The following RIMS2 variants were observed in gnomAD, a reference collection of about 807,000 sequenced individuals.
RIMS2 encodes the protein regulating synaptic membrane exocytosis protein 2.
A neutral mutation model predicts 174.4 loss-of-function variants in RIMS2; 59 were observed. The ratio of observed to expected loss-of-function variants is 0.34; its 90% CI spans 0.27 to 0.42. The LOEUF (loss-of-function observed/expected upper bound fraction) is 0.42, where lower values mean the gene tolerates loss of function less well. RIMS2 is among the 10% of genes least tolerant of loss of function. The pLI, the probability that RIMS2 is intolerant of heterozygous loss-of-function variation, is 1.00. For missense variants in RIMS2, 1,620 were observed against 1,666.3 expected (o/e 0.97, Z 0.48); for synonymous variants, 606 against 572.5 (o/e 1.06, Z -0.84).
At chr8:103,673,106 G>A (rs2096765320) in intron 1 of RIMS2, among the ~76,000 whole-genome samples, 1 of 152,200 alleles carries the variant, frequency 6.6e-6, no homozygotes, top group Admixed American at 6.5e-5. Flanking sequence ...TGTCCTGCGT[G>A]CAGGACACAC....
intron 19 of RIMS2, among the ~76,000 whole-genome samples, chr8:104,058,439 G>T (rs1167567773): frequency 1.3e-5 from 2 of 150,850 alleles, no homozygotes; most frequent in Non-Finnish European, 2.9e-5. Context: ...TTGTAAATTT[G>T]TTTGAGTTCA....
intron 19 of RIMS2, among the ~76,000 whole-genome samples, chr8:104,047,606 T>C (rs2096716394): frequency 6.6e-6 from 1 of 152,098 alleles, no homozygotes; most frequent in Non-Finnish European, 1.5e-5. Flanking sequence ...CTGTGTCCAG[T>C]ACAGAGCAAG....
At chr8:103,682,940 A>C (rs1396907823) in intron 1 of RIMS2, among the ~76,000 whole-genome samples, 1 of 152,172 alleles carries the variant, frequency 6.6e-6, no homozygotes, top group East Asian at 1.9e-4. Flanking sequence ...TTAAATATCT[A>C]ATATGACAGT....
At chr8:104,217,475 C>T (rs2099135870) in intron 19 of RIMS2, among the ~76,000 whole-genome samples, 1 of 152,062 alleles carries the variant, frequency 6.6e-6, no homozygotes, top group Non-Finnish European at 1.5e-5. Context: ...CACCTTGTTG[C>T]CCAGACTGGT....
chr8:103,661,567 G>T (rs908621952), intron 1 of RIMS2, among the ~76,000 whole-genome samples: 9 of 152,028 alleles, frequency 5.9e-5, no homozygotes, highest in African/African-American at 2.2e-4. Flanking sequence ...GCAGTGGCGT[G>T]ATCTTGGCTC....
At chr8:103,757,029 G>GATAC (rs2098028440) in intron 2 of RIMS2, among the ~76,000 whole-genome samples, 1 of 151,172 alleles carries the variant, frequency 6.6e-6, no homozygotes. Flanking sequence ...GAGAGAGAGA[G>GATAC]AGAGAGAGAT....
intron 19 of RIMS2, 131 bp from the exon 25 acceptor site, chr8:104,148,476 T>C (rs750954361): frequency 1.5e-5 from 14 of 926,294 alleles, no homozygotes; most frequent in Non-Finnish European, 2.2e-5. Flanking sequence ...TATTTGAAAT[T>C]TTTTAACTCC....
At chr8:103,599,289 G>C (rs1409744734) in intron 1 of RIMS2, among the ~76,000 whole-genome samples, 1 of 150,844 alleles carries the variant, frequency 6.6e-6, no homozygotes, top group Non-Finnish European at 1.5e-5. Flanking sequence ...GGAAATTCAG[G>C]CTCTGAGAGG....
Position 103,633,110 on chromosome 8 carries a change from T to G in RIMS2, c.177-63976T>G, listed in dbSNP as rs1195141592. 4.0e-5 allele frequency among the ~76,000 whole-genome samples: 6 copies of G among 149,840 alleles called. No individual in the cohort carries two copies. The East Asian group carries it at 9.8e-4, about 25-fold the overall frequency. Reference sequence around the variant, plus strand: ...GGTGCAATCTCGGCTCACTGCAACCTCCATCTCCTGAGTTCAGGCAATTCT... The same window carrying G: ...GGTGCAATCTCGGCTCACTGCAACCGCCATCTCCTGAGTTCAGGCAATTCT... On this transcript the variant is annotated intron_variant, in intron 1 of 23. Coordinates refer to ENST00000504942, the Ensembl canonical transcript of RIMS2.
rs535935083 is a variant in RIMS2 at position 104,021,363 on chromosome 8, C to T, written c.3334+6748C>T. On this transcript the variant is annotated intron_variant, in intron 19 of 23. Transcript: ENST00000504942. ...AATAAACATTTAAATGACTTCTCAACATCTCAACATGTTTTTACATATTTG... is the reference window on the plus strand; with the variant it reads ...AATAAACATTTAAATGACTTCTCAATATCTCAACATGTTTTTACATATTTG... Among the ~76,000 whole-genome samples, 11 of 152,228 alleles carry T rather than the reference C, an allele frequency of 7.2e-5. No individual in the cohort carries two copies. In the South Asian group the frequency reaches 2.3e-3, roughly 31 times the overall value.
intron 19 of RIMS2, among the ~76,000 whole-genome samples, chr8:104,127,506 T>G (rs1031134246): frequency 6.6e-6 from 1 of 152,064 alleles, no homozygotes; most frequent in Non-Finnish European, 1.5e-5. Context: ...GTGTTAAGAG[T>G]GCAGACTCTG....
intron 1 of RIMS2, among the ~76,000 whole-genome samples, chr8:103,566,437 C>A (rs890750720): frequency 3.9e-5 from 6 of 152,112 alleles, no homozygotes; most frequent in Admixed American, 3.9e-4. Context: ...GCTCTGATAC[C>A]CTTAACTCTC....
At chr8:104,026,698 A>G (rs1339486042) in intron 19 of RIMS2, among the ~76,000 whole-genome samples, 2 of 152,248 alleles carry the variant, frequency 1.3e-5, no homozygotes, top group African/African-American at 4.8e-5. Context: ...AAAGGAACCA[A>G]AAGTGATAGT....
intron 19 of RIMS2, among the ~76,000 whole-genome samples, chr8:104,097,239 C>T (rs1400358662): frequency 6.6e-6 from 1 of 152,042 alleles, no homozygotes; most frequent in African/African-American, 2.4e-5. Context: ...GGATAGGATC[C>T]ACGTGTAAAC....
At chr8:103,793,805 C>G (rs1397189826) in intron 3 of RIMS2, among the ~76,000 whole-genome samples, 1 of 152,028 alleles carries the variant, frequency 6.6e-6, no homozygotes, top group East Asian at 1.9e-4. Context: ...AACAGAGAGC[C>G]AAATCATGAG....
At chr8:103,708,141 G>T (rs1391498849) in intron 2 of RIMS2, among the ~76,000 whole-genome samples, 7 of 152,178 alleles carry the variant, frequency 4.6e-5, no homozygotes, top group Non-Finnish European at 1.0e-4. Flanking sequence ...TAGTGCAGTG[G>T]CAGGGTTCAC....
chr8:103,787,421 T>C (rs1334434504), intron 3 of RIMS2, among the ~76,000 whole-genome samples: 24 of 151,408 alleles, frequency 1.6e-4, no homozygotes, highest in African/African-American at 5.8e-4. Flanking sequence ...GGTTGTTCCT[T>C]TCCATGTTTA....
Position 104,075,963 on chromosome 8 carries a change from T to C in RIMS2, c.3334+61348T>C, listed in dbSNP as rs145676531. 4.9e-4 allele frequency among the ~76,000 whole-genome samples: 74 copies of C among 152,348 alleles called. 1 individual carries two copies. The highest frequency in any genetic ancestry group is 1.7e-3 in the African/African-American group (70 of 41,594). ...AGTCTTCTAAGCTGTCTAAGTTGCT[T>C]GTCCAAGCCAGCCATCCTCCAGGAT... is the stretch of plus-strand genomic sequence containing the variant. On this transcript the variant is annotated intron_variant, in intron 19 of 23. Transcript: ENST00000504942.
At chr8:104,088,156 C>T (rs958623941) in intron 19 of RIMS2, among the ~76,000 whole-genome samples, 17 of 151,984 alleles carry the variant, frequency 1.1e-4, no homozygotes, top group African/African-American at 3.9e-4. Flanking sequence ...TCAGATCAGG[C>T]ACTGATAAGA....
Sources: gnomAD v4.1 joint callset for allele counts (sites outside exome capture counted in the v4.1 genomes callset) on GRCh38, gnomAD v4.1.1 for gene constraint, MANE v1.5 for transcripts, NCBI Gene and HGNC (gene_info 2026-07-23, HGNC 2026-07-21) for gene names.